The following VPS13A variants were observed in gnomAD, a reference collection of about 807,000 sequenced individuals.
The protein encoded by VPS13A is intermembrane lipid transfer protein VPS13A.
In VPS13A, 264 loss-of-function variants were observed where a neutral mutation model predicts 390.9. The ratio of observed to expected loss-of-function variants is 0.68; its 90% CI spans 0.61 to 0.75. VPS13A has a LOEUF of 0.75. Ranked by LOEUF, VPS13A falls within the 30% of genes least tolerant of loss-of-function variation. The pLI, the probability that VPS13A is intolerant of heterozygous loss-of-function variation, is 0.00. For synonymous variants in VPS13A, 1,231 were observed against 1,227.1 expected, an observed-to-expected ratio of 1.00 and a Z score of -0.07; for missense variants, 3,409 against 3,733.9, an observed-to-expected ratio of 0.91 and a Z score of 2.27.
At chr9:77,384,593 A>C (rs117258674) in intron 68 of VPS13A, 32 of 1,611,374 alleles carry the variant, frequency 2.0e-5, no homozygotes, top group African/African-American at 1.1e-4. Flanking sequence ...AGAAAATTCA[A>C]TTCTACAGGG....
intron 46 of VPS13A, among the ~76,000 whole-genome samples, chr9:77,336,553 C>T (rs551147546): frequency 2.6e-5 from 4 of 152,124 alleles, no homozygotes; most frequent in South Asian, 2.1e-4. Context: ...TGAATTCAGT[C>T]ATGGCATTTA....
At chr9:77,233,456 T>C (rs551368933) in intron 17 of VPS13A, among the ~76,000 whole-genome samples, 1 of 152,256 alleles carries the variant, frequency 6.6e-6, no homozygotes, top group South Asian at 2.1e-4. Flanking sequence ...TTGGGTTTAA[T>C]TTGCTCTTCT....
At chr9:77,357,981 A>C (rs1180246939) in intron 56 of VPS13A, 143 bp downstream of exon 56, 1 of 745,690 alleles carries the variant, frequency 1.3e-6, no homozygotes, top group African/African-American at 2.1e-5. Context: ...TTTGAGACAG[A>C]GTCTCCCTCT....
chr9:77,206,331 A>ATATATG (rs1244906066), intron 5 of VPS13A, among the ~76,000 whole-genome samples: 4 of 149,246 alleles, frequency 2.7e-5, no homozygotes, highest in African/African-American at 9.8e-5. Flanking sequence ...CATATTTTTT[A>ATATATG]TATATATATA....
Position 77,344,157 on chromosome 9 carries a change from TC to T in VPS13A, c.7035del (p.Trp2347GlyfsTer36), listed in dbSNP as rs1387660387. 32 of 1,593,910 alleles carry T rather than the reference TC, an allele frequency of 2.0e-5. No individual in the cohort carries two copies. The highest frequency in any genetic ancestry group is 2.7e-5 in the Non-Finnish European group (31 of 1,162,296). On this transcript the variant is annotated frameshift_variant, in exon 51 of 72. Transcript: ENST00000360280. LOFTEE classifies it high-confidence loss of function. ...CATATATAATGTATATTTTAGTGTA[TC>T]CCCTTTTGGCCTGAGTATGCTTCTA... Reference protein sequence around the residue: ...KWLSLDLEQCIPFWPEYASSK... With the variant: ...KWLSLDLEQCXPFWPEYASSK...
chr9:77,254,924 TC>T (rs761907078), intron 22 of VPS13A, among the ~76,000 whole-genome samples: 1 of 152,192 alleles, frequency 6.6e-6, no homozygotes, highest in Non-Finnish European at 1.5e-5. Flanking sequence ...ACATATAAGA[TC>T]CTATCATCTG....
chr9:77,346,015 T>C (rs1466238809), intron 52 of VPS13A, among the ~76,000 whole-genome samples: 1 of 152,190 alleles, frequency 6.6e-6, no homozygotes, highest in East Asian at 1.9e-4. Flanking sequence ...ATGACTTCTC[T>C]TCCTTTGAGA....
rs1169254413 is a variant in VPS13A, at chr9:77,411,660, C to CAAAAAAAAAAAAA, written c.9474+4066_9474+4078dup. The stretch of plus-strand genomic sequence containing the variant: ...CCTAGGCAACAGCAAAACTCCATCT[C>CAAAAAAAAAAAAA]AAAAAAAAAAAAAAAAAAAAAAAAA... On this transcript the variant is annotated intron_variant, in intron 71 of 71. Transcript: ENST00000360280. 4.8e-3 allele frequency among the ~76,000 whole-genome samples: 164 copies of CAAAAAAAAAAAAA among 33,908 alleles called. 11 individuals are homozygous for CAAAAAAAAAAAAA. Among genetic ancestry groups the CAAAAAAAAAAAAA allele is most frequent in the African/African-American group, 7.0e-3 (58 of 8,322 alleles). 22.2% of individuals were successfully genotyped at this position (33,908 alleles called of 152,430 possible). A position where few individuals can be genotyped will look rare whatever the true frequency, so the allele number is the denominator to read the frequency against.
At chr9:77,254,065 T>C (rs1047956553) in intron 22 of VPS13A, among the ~76,000 whole-genome samples, 1 of 144,326 alleles carries the variant, frequency 6.9e-6, no homozygotes, top group Admixed American at 7.2e-5. Context: ...TGCCTCAGCC[T>C]CCCGAGTAGC....
intron 68 of VPS13A, 105 bp from the exon 69 acceptor site, chr9:77,403,131 G>C: frequency 1.3e-6 from 1 of 758,074 alleles, no homozygotes; most frequent in Non-Finnish European, 2.3e-6. Flanking sequence ...TATGTTAATG[G>C]TTTGCCCCAT....
At chr9:77,252,034 G>A (rs1378157232) in intron 21 of VPS13A, among the ~76,000 whole-genome samples, 1 of 152,092 alleles carries the variant, frequency 6.6e-6, no homozygotes, top group Non-Finnish European at 1.5e-5. Context: ...TAAGGTATGT[G>A]GTTGGTGTAG....
chr9:77,391,306 A>G (rs1833887013), intron 68 of VPS13A, among the ~76,000 whole-genome samples: 1 of 152,228 alleles, frequency 6.6e-6, no homozygotes. Flanking sequence ...ACATTGTTAG[A>G]AAACTAGTAT....
At chr9:77,365,317 A>G (rs1185179714) in intron 59 of VPS13A, 143 bp from the exon 60 acceptor site, 1 of 638,170 alleles carries the variant, frequency 1.6e-6, no homozygotes, top group African/African-American at 1.8e-5. Context: ...ATAGATAGAG[A>G]TGTTACTTTC....
At chr9:77,401,055 T>C (rs1215079468) in intron 68 of VPS13A, among the ~76,000 whole-genome samples, 2 of 152,128 alleles carry the variant, frequency 1.3e-5, no homozygotes, top group Admixed American at 1.3e-4. Context: ...GGATAGGATT[T>C]TATAATGTCG....
intron 39 of VPS13A, among the ~76,000 whole-genome samples, 187 bp from the exon 40 acceptor site, chr9:77,317,419 T>G (rs1490161256): frequency 6.6e-6 from 1 of 152,070 alleles, no homozygotes; most frequent in East Asian, 1.9e-4. Context: ...TGTGGAAGAA[T>G]AGAACAGATA....
In VPS13A at chr9:77,405,861, C is replaced by T; in HGVS notation, c.9276-3C>T. The stretch of plus-strand genomic sequence containing the variant: ...AATTCTTTTTTTGTTTTTCTTTTTG[C>T]AGTGGTGTATTGTTTGTAACAAAGG... On this transcript the variant is annotated splice_polypyrimidine_tract_variant and splice_region_variant and intron_variant, in intron 69 of 71. Coordinates refer to ENST00000360280, the MANE Select transcript of VPS13A (RefSeq NM_033305.3). The T allele has an allele frequency of 6.2e-7, 1 of 1,612,864 alleles. No homozygotes were observed. Among genetic ancestry groups the T allele is most frequent in the Non-Finnish European group, 8.5e-7 (1 of 1,179,774 alleles).
Position 77,420,081 on chromosome 9 carries a change from G to A in VPS13A, c.*4075G>A. ...TTTTCAGTATAGCGCAACTCTAAAA[G>A]GAAACCCATTCACCCTCCTTAGTCC... On this transcript the variant is annotated 3_prime_UTR_variant, in exon 72 of 72. Transcript: ENST00000360280. The A allele has an allele frequency of 6.6e-6, 1 of 152,112 alleles. No individual in the cohort carries two copies. The highest frequency in any genetic ancestry group is 1.9e-4 in the East Asian group (1 of 5,190). The allele number at this position is 152,112 out of a possible 1,614,324, so 9.4% of individuals were successfully genotyped here. A position where few individuals can be genotyped will look rare whatever the true frequency, so the allele number is the denominator to read the frequency against.
intron 19 of VPS13A, among the ~76,000 whole-genome samples, chr9:77,241,536 G>A (rs564788576): frequency 1.3e-5 from 2 of 149,386 alleles, no homozygotes; most frequent in South Asian, 4.3e-4. Context: ...AGACTTTTGT[G>A]GTTCTGTTTT....
chr9:77,391,932 T>C (rs946502284), intron 68 of VPS13A, among the ~76,000 whole-genome samples: 3 of 152,208 alleles, frequency 2.0e-5, no homozygotes, highest in African/African-American at 7.2e-5. Flanking sequence ...CAGACACTCT[T>C]GTAGATAGTA....
Sources: allele counts gnomAD v4.1 joint callset (sites outside exome capture counted in the v4.1 genomes callset), GRCh38; gene constraint gnomAD v4.1.1; transcripts MANE v1.5; gene names NCBI Gene and HGNC (gene_info 2026-07-23, HGNC 2026-07-21).